MIEF1: variants seen among roughly 807,000 people sequenced by gnomAD.
The protein encoded by MIEF1 is mitochondrial dynamics protein MIEF1.
MIEF1 carries 14 observed loss-of-function variants against 35.1 expected under a neutral mutation model. The ratio of observed to expected loss-of-function variants is 0.40; its 90% confidence interval spans 0.26 to 0.62. The LOEUF is 0.62. MIEF1 is among the 20% of genes least tolerant of loss of function. MIEF1 has a pLI of 0.43. For missense variants in MIEF1, 542 were observed against 615.4 expected (o/e 0.88, Z 1.26); for synonymous variants, 245 against 254.3 (o/e 0.96, Z 0.35).
chr22:39,511,131 G>A lies in MIEF1; in HGVS notation c.-7-157G>A, dbSNP rs185768829. ...TCCTGATCTATCATGGGACATTGTA[G>A]CTCCCTCCAGACCCTAAAGCATGCA... On this transcript the variant is annotated intron_variant, in intron 2 of 5. Coordinates refer to ENST00000325301, the MANE Select transcript of MIEF1 (RefSeq NM_019008.6). Among the ~76,000 whole-genome samples the A allele has an allele frequency of 3.3e-5, 5 of 152,352 alleles. No individual in the cohort carries two copies. In the East Asian group the frequency reaches 5.8e-4, roughly 18 times the overall value.
In MIEF1 at chr22:39,514,247, C is replaced by T. The variant is rs150433194; in HGVS notation, c.1316C>T (p.Thr439Ile). 94 of 1,614,188 alleles carry T rather than the reference C, an allele frequency of 5.8e-5. No homozygotes were observed. Among genetic ancestry groups the T allele is most frequent in the Non-Finnish European group, 7.7e-5 (91 of 1,180,040 alleles). Residue 439 changes from threonine (T) to isoleucine (I), a missense_variant, in exon 6 of 6, where the codon ACC becomes ATC. Physicochemically the swap from Thr to Ile is moderately conservative, Grantham distance 89. Coordinates refer to ENST00000325301, the MANE Select transcript of MIEF1 (RefSeq NM_019008.6). ...AAGGTGAACTTATTTGCAGAGCTCA[C>T]CCCTGAAGAAATAGACGAATTAGGA... ...NPKVNLFAEL[T>I]PEEIDELGYT...
At chr22:39,510,525 C>A in intron 2 of MIEF1, among the ~76,000 whole-genome samples, 1 of 152,352 alleles carries the variant, frequency 6.6e-6, no homozygotes, top group East Asian at 1.9e-4. Context: ...CCCACCTCAG[C>A]CTCCCGGGTA....
In MIEF1 at chr22:39,506,037, C is replaced by T. The variant is rs182797644; in HGVS notation, c.-8+1503C>T. Among the ~76,000 whole-genome samples the T allele has an allele frequency of 2.2e-3, 337 of 152,232 alleles. 1 individual carries two copies. The highest frequency in any genetic ancestry group is 3.4e-3 in the Middle Eastern group (1 of 294). The stretch of plus-strand genomic sequence containing the variant: ...ACAGGGCCAGGGGTGGGGTGATGCC[C>T]ATGGGAGCCTGTCTGCACAGGGAGG... On this transcript the variant is annotated intron_variant, in intron 2 of 5. Coordinates refer to ENST00000325301, the MANE Select transcript of MIEF1 (RefSeq NM_019008.6).
Position 39,513,671 on chromosome 22 carries a change from A to G in MIEF1, c.740A>G (p.Tyr247Cys). 1 of 1,614,144 alleles carries G rather than the reference A, an allele frequency of 6.2e-7. No homozygotes were observed. Among genetic ancestry groups the G allele is most frequent in the Non-Finnish European group, 8.5e-7 (1 of 1,180,014 alleles). ...NPEYFPRGSS[Y>C]WDRCVVGGYL... The stretch of plus-strand genomic sequence containing the variant: ...GAGTACTTTCCTCGTGGGAGCAGTT[A>G]CTGGGACCGCTGTGTAGTAGGGGGC... Residue 247 changes from tyrosine (Y) to cysteine (C), a missense_variant, in exon 6 of 6, where the codon TAC becomes TGC. Transcript: ENST00000325301.
At chr22:39,501,408 G>A (rs41281253), upstream of MIEF1, among the ~76,000 whole-genome samples, 17 of 152,228 alleles carry the variant, frequency 1.1e-4, no homozygotes, top group Non-Finnish European at 1.8e-4. Flanking sequence ...CCCAAGGCTG[G>A]GTGAGGTTAG....
chr22:39,500,109 A>G (rs1238982758), upstream of MIEF1: 4 of 152,138 alleles, frequency 2.6e-5, no homozygotes, highest in African/African-American at 9.7e-5. Context: ...ACTCCATCTC[A>G]AAACAAACAA....
intron 2 of MIEF1, among the ~76,000 whole-genome samples, chr22:39,509,917 T>C (rs564550976): frequency 6.6e-6 from 1 of 152,288 alleles, no homozygotes; most frequent in South Asian, 2.1e-4. Flanking sequence ...AAAAGCGTCA[T>C]ACAAGGAGTG....
intron 2 of MIEF1, among the ~76,000 whole-genome samples, chr22:39,506,597 TCAAG>T: frequency 6.6e-6 from 1 of 152,326 alleles, no homozygotes; most frequent in East Asian, 1.9e-4. Context: ...TCGTACATAC[TCAAG>T]CAAGATAGGT....
chr22:39,503,066 A>T (rs923236036), intron 1 of MIEF1: 2 of 152,200 alleles, frequency 1.3e-5, no homozygotes, highest in African/African-American at 4.8e-5. Flanking sequence ...TCTCTCCGTT[A>T]CGCATAATTT....
rs1930674415 is a variant in MIEF1 at position 39,516,440 on chromosome 22, C to T, written c.*2117C>T. The T allele has an allele frequency of 6.6e-6, 1 of 152,240 alleles. No homozygotes were observed. The allele number at this position is 152,240 out of a possible 1,614,324, so 9.4% of individuals were successfully genotyped here. ...TGGAAGGAGGCTGGGTGCGGTGGCT[C>T]ATGCTTGTAATCCCAGCACTGGGAA... On this transcript the variant is annotated 3_prime_UTR_variant, in exon 6 of 6. Transcript: ENST00000325301.
At chr22:39,506,241 C>T (rs978598030) in intron 2 of MIEF1, among the ~76,000 whole-genome samples, 2 of 152,192 alleles carry the variant, frequency 1.3e-5, no homozygotes, top group Admixed American at 1.3e-4. Flanking sequence ...ATGCATCAAA[C>T]ACTGCACACC....
At chr22:39,503,875 G>C (rs1929879729) in intron 1 of MIEF1, 1 of 175,894 alleles carries the variant, frequency 5.7e-6, no homozygotes, top group Non-Finnish European at 1.2e-5. Flanking sequence ...ATAATCCTAT[G>C]TGGTAGGTAC....
In MIEF1 at chr22:39,502,305, C is replaced by T. The variant is rs1202809799; in HGVS notation, c.-472C>T. On this transcript the variant is annotated 5_prime_UTR_variant, in exon 1 of 6. Coordinates refer to ENST00000325301, the MANE Select transcript of MIEF1 (RefSeq NM_019008.6). ...CTCCGCCTCCACTCGCCCTCGTGCT[C>T]CCTTCAGCCCCTTCGCAGCTCCGTG... 3 of 152,316 alleles carry T rather than the reference C, an allele frequency of 2.0e-5. No homozygotes were observed. Among genetic ancestry groups the T allele is most frequent in the Non-Finnish European group, 4.4e-5 (3 of 68,094 alleles). 9.4% of individuals were successfully genotyped at this position (152,316 alleles called of 1,614,324 possible).
At chr22:39,512,186 GCAGGCATGGGC>G (rs759867891) in intron 4 of MIEF1, 35 bp from the exon 5 acceptor site, 1 of 1,591,450 alleles carries the variant, frequency 6.3e-7, no homozygotes, top group Non-Finnish European at 8.5e-7. Context: ...TGTGGACTGA[GCAGGCATGGGC>G]AGAGCTCACG....
chr22:39,510,339 C>A (rs1481993175), intron 2 of MIEF1, among the ~76,000 whole-genome samples: 2 of 152,134 alleles, frequency 1.3e-5, no homozygotes, highest in Non-Finnish European at 2.9e-5. Flanking sequence ...GTGATCATAG[C>A]TCACTGTAGC....
In MIEF1 at chr22:39,515,701, G is replaced by T; in HGVS notation, c.*1378G>T. 3.8e-6 allele frequency: 1 copy of T among 260,260 alleles called. No individual in the cohort carries two copies. Among genetic ancestry groups the T allele is most frequent in the Non-Finnish European group, 7.3e-6 (1 of 136,084 alleles). 16.1% of individuals were successfully genotyped at this position (260,260 alleles called of 1,614,324 possible). A position where few individuals can be genotyped will look rare whatever the true frequency, so the allele number is the denominator to read the frequency against. The stretch of plus-strand genomic sequence containing the variant: ...GAGGAATGTTTAATCTACCATGTCC[G>T]TGTGTCATCTTGGTTTGTGTTTTTC... On this transcript the variant is annotated 3_prime_UTR_variant, in exon 6 of 6. Coordinates refer to ENST00000325301, the MANE Select transcript of MIEF1 (RefSeq NM_019008.6).
intron 2 of MIEF1, among the ~76,000 whole-genome samples, chr22:39,506,218 A>G (rs1930007781): frequency 1.3e-5 from 2 of 152,188 alleles, no homozygotes; most frequent in African/African-American, 2.4e-5. Flanking sequence ...CATTCCCACA[A>G]CATATACTCC....
chr22:39,515,136 C>T lies in MIEF1; in HGVS notation c.*813C>T. The T allele has an allele frequency of 1.6e-6, 1 of 632,164 alleles. No homozygotes were observed. The highest frequency in any genetic ancestry group is 2.9e-6 in the Non-Finnish European group (1 of 344,064). The allele number at this position is 632,164 out of a possible 1,614,324, so 39.2% of individuals were successfully genotyped here. On this transcript the variant is annotated 3_prime_UTR_variant, in exon 6 of 6. Coordinates refer to ENST00000325301, the MANE Select transcript of MIEF1 (RefSeq NM_019008.6). ...AGTGTCTGCTCGTCATCTGTGGCTG[C>T]AGGGGTCAGACAGACAAGGATGGGG...
intron 1 of MIEF1, 181 bp from the exon 2 acceptor site, chr22:39,504,022 T>A (rs1929887297): frequency 2.6e-6 from 1 of 385,406 alleles, no homozygotes. Flanking sequence ...ACAACCTGTA[T>A]GTTTCCAGAA....
Sources: allele counts gnomAD v4.1 joint callset (sites outside exome capture counted in the v4.1 genomes callset), GRCh38; gene constraint gnomAD v4.1.1; transcripts MANE v1.5; gene names NCBI Gene and HGNC (gene_info 2026-07-23, HGNC 2026-07-21).